The following PANK3 variants were observed in gnomAD, a reference collection of about 807,000 sequenced individuals.
PANK3 encodes pantothenate kinase 3, also known as hPanK3.
A neutral mutation model predicts 39.4 loss-of-function variants in PANK3; 20 were observed. The ratio of observed to expected loss-of-function variants is 0.51; its 90% CI spans 0.36 to 0.74. PANK3 has a LOEUF of 0.74. Among genes scored for constraint, PANK3 ranks in the 30% least tolerant of loss-of-function variants. The pLI is 0.00. For missense variants in PANK3, 265 were observed against 437.0 expected (o/e 0.61, Z 3.51); for synonymous variants, 140 against 157.3 (o/e 0.89, Z 0.82).
rs1241088785 is a variant in PANK3, at chr5:168,556,476, C to T, written c.*1095G>A. The T allele has an allele frequency of 1.3e-5, 2 of 152,352 alleles. No homozygotes were observed. Among genetic ancestry groups the T allele is most frequent in the African/African-American group, 4.8e-5 (2 of 41,440 alleles). 9.4% of individuals were successfully genotyped at this position (152,352 alleles called of 1,614,324 possible). A position where few individuals can be genotyped will look rare whatever the true frequency, so the allele number is the denominator to read the frequency against. Reference sequence around the variant, plus strand: ...TCCTAGGTTCTTACACATTTCAAACCCTTGCCAATAACAGTATTTTAGTTA... The same window carrying T: ...TCCTAGGTTCTTACACATTTCAAACTCTTGCCAATAACAGTATTTTAGTTA... On this transcript the variant is annotated 3_prime_UTR_variant, in exon 7 of 7. Transcript: ENST00000239231.
intron 1 of PANK3, among the ~76,000 whole-genome samples, chr5:168,574,688 T>A (rs1561843594): frequency 6.6e-6 from 1 of 152,042 alleles, no homozygotes; most frequent in Non-Finnish European, 1.5e-5. Context: ...TGGTGAAACC[T>A]CGTCTCTACC....
At chr5:168,562,264 C>A (rs1759459869) in intron 4 of PANK3, among the ~76,000 whole-genome samples, 1 of 151,992 alleles carries the variant, frequency 6.6e-6, no homozygotes, top group Non-Finnish European at 1.5e-5. Context: ...AAAAAAATAT[C>A]TTTTATTACA....
rs567086470 is a variant in PANK3, at chr5:168,554,244, T to C, written c.*3327A>G. 1.4e-4 allele frequency: 22 copies of C among 152,350 alleles called. No individual in the cohort carries two copies. The highest frequency in any genetic ancestry group is 5.0e-4 in the African/African-American group (21 of 41,590). The allele number at this position is 152,350 out of a possible 1,614,324, so 9.4% of individuals were successfully genotyped here. On this transcript the variant is annotated 3_prime_UTR_variant, in exon 7 of 7. Coordinates refer to ENST00000239231, the MANE Select transcript of PANK3 (RefSeq NM_024594.4). ...CTAATGGTTTAGGAAGTAGAAATGC[T>C]TGGGGATAAAATTGACTTCTATACA...
chr5:168,567,766 C>A (rs528792909), intron 2 of PANK3, among the ~76,000 whole-genome samples: 1 of 152,230 alleles, frequency 6.6e-6, no homozygotes, highest in South Asian at 2.1e-4. Flanking sequence ...ACTACAAGCA[C>A]AGGCCACTAT....
rs1039155932 is a variant in PANK3, at chr5:168,548,555, C to T, written c.*9016G>A. The T allele has an allele frequency of 1.3e-5, 2 of 152,078 alleles. No homozygotes were observed. Among genetic ancestry groups the T allele is most frequent in the Admixed American group, 1.3e-4 (2 of 15,268 alleles). The allele number at this position is 152,078 out of a possible 1,614,324, so 9.4% of individuals were successfully genotyped here. On this transcript the variant is annotated 3_prime_UTR_variant, in exon 7 of 7. Coordinates refer to ENST00000239231, the MANE Select transcript of PANK3 (RefSeq NM_024594.4). The stretch of plus-strand genomic sequence containing the variant: ...AAAATAAAAAGTATGATTCTAACAT[C>T]TATTTAGAATATGAACAAAATTAGA...
intron 2 of PANK3, among the ~76,000 whole-genome samples, chr5:168,566,773 T>A (rs1297918357): frequency 6.6e-6 from 1 of 152,236 alleles, no homozygotes; most frequent in Non-Finnish European, 1.5e-5. Context: ...AGACAGAGTC[T>A]AGCTCTGTCA....
chr5:168,567,822 A>T (rs548350212), intron 2 of PANK3, among the ~76,000 whole-genome samples: 1 of 152,028 alleles, frequency 6.6e-6, no homozygotes, highest in Non-Finnish European at 1.5e-5. Flanking sequence ...GTCCCACTAT[A>T]TTGCCCAGGC....
chr5:168,576,748 GC>G (rs1759736440), intron 1 of PANK3, among the ~76,000 whole-genome samples: 1 of 151,656 alleles, frequency 6.6e-6, no homozygotes, highest in African/African-American at 2.4e-5. Context: ...TAAAGAAAAT[GC>G]CATACACACA....
rs746661138 is a variant in PANK3 at position 168,557,602 on chromosome 5, C to T, written c.1082G>A (p.Gly361Asp). Reference protein sequence around the residue: ...LEHEGYFGAVGALLGLPNFS With the variant: ...LEHEGYFGAVDALLGLPNFS ...GAAATTTGGCAGCCCAAGAAGTGCA[C>T]CAACTGCTCCAAAGTAACCCTGTGT... is the stretch of plus-strand genomic sequence containing the variant. The change falls in exon 7 of 7, where the codon GGT (glycine) becomes GAT (aspartate). Residue 361 changes from glycine to aspartate, a missense_variant. Transcript: ENST00000239231. 6.2e-7 allele frequency: 1 copy of T among 1,613,846 alleles called. No individual in the cohort carries two copies. Among genetic ancestry groups the T allele is most frequent in the Non-Finnish European group, 8.5e-7 (1 of 1,179,878 alleles).
intron 1 of PANK3, among the ~76,000 whole-genome samples, chr5:168,576,493 G>A (rs1399536259): frequency 1.3e-5 from 2 of 152,174 alleles, no homozygotes; most frequent in Admixed American, 6.5e-5. Flanking sequence ...TTCCCCTGGC[G>A]TTGAATTAAC....
chr5:168,573,416 C>CTAAAAAAAAA (rs1759678231), intron 1 of PANK3, among the ~76,000 whole-genome samples: 1 of 16,938 alleles, frequency 5.9e-5, no homozygotes, highest in Non-Finnish European at 1.0e-4. Context: ...CTCAGCAAGG[C>CTAAAAAAAAA]AAAAAAAAAA....
chr5:168,562,655 T>A (rs1759465076), intron 4 of PANK3, among the ~76,000 whole-genome samples: 1 of 152,156 alleles, frequency 6.6e-6, no homozygotes, highest in Non-Finnish European at 1.5e-5. Flanking sequence ...TATGGACATA[T>A]TTGGAGAGGC....
At chr5:168,562,854 G>A (rs1759468637) in intron 4 of PANK3, among the ~76,000 whole-genome samples, 1 of 152,112 alleles carries the variant, frequency 6.6e-6, no homozygotes, top group Admixed American at 6.5e-5. Context: ...AAGCAAAGGA[G>A]TGAAACTAGC....
At chr5:168,577,087 G>A (rs1047054936) in intron 1 of PANK3, among the ~76,000 whole-genome samples, 1 of 151,346 alleles carries the variant, frequency 6.6e-6, no homozygotes, top group African/African-American at 2.4e-5. Context: ...CACCATGTTG[G>A]TCAGGCTGGT....
chr5:168,553,176 C>A lies in PANK3; in HGVS notation c.*4395G>T. 2.0e-6 allele frequency: 1 copy of A among 491,602 alleles called. No homozygotes were observed. Among genetic ancestry groups the A allele is most frequent in the South Asian group, 1.5e-5 (1 of 64,520 alleles). 30.5% of individuals were successfully genotyped at this position (491,602 alleles called of 1,614,324 possible). A position where few individuals can be genotyped will look rare whatever the true frequency, so the allele number is the denominator to read the frequency against. The stretch of plus-strand genomic sequence containing the variant: ...TAAAGCCCAGTATCACTGGGCATAG[C>A]TCTTCAGACCCCAAGATGAACTCCA... On this transcript the variant is annotated 3_prime_UTR_variant, in exon 7 of 7. Transcript: ENST00000239231.
At position 168,558,990 on chromosome 5, in the gene PANK3, A is replaced by T. The variant is rs760911250; in HGVS notation, c.1062+42T>A. Reference sequence around the variant, plus strand: ...CAGAGCAAGACCCTGTCTCTTAAAAAACATGCTATTAAAATTCACAAAAAA... The same window carrying T: ...CAGAGCAAGACCCTGTCTCTTAAAATACATGCTATTAAAATTCACAAAAAA... On this transcript the variant is annotated intron_variant, in intron 6 of 6. Transcript: ENST00000239231. 6 of 1,582,724 alleles carry T rather than the reference A, an allele frequency of 3.8e-6. No homozygotes were observed. The Admixed American group carries it at 1.1e-4, about 28-fold the overall frequency.
intron 1 of PANK3, among the ~76,000 whole-genome samples, chr5:168,570,189 TG>T (rs1339072474): frequency 6.6e-6 from 1 of 151,914 alleles, no homozygotes; most frequent in African/African-American, 2.4e-5. Context: ...GAGACCTTCC[TG>T]GCTAACACAG....
intron 4 of PANK3, among the ~76,000 whole-genome samples, chr5:168,563,139 A>C (rs1490128432): frequency 6.6e-6 from 1 of 152,196 alleles, no homozygotes; most frequent in Non-Finnish European, 1.5e-5. Flanking sequence ...TCAGAAGAAA[A>C]TAAGGGTTTA....
intron 6 of PANK3, among the ~76,000 whole-genome samples, chr5:168,558,153 C>CTTTT (rs767440372): frequency 1.2e-4 from 14 of 115,282 alleles, no homozygotes; most frequent in South Asian, 5.5e-4. Flanking sequence ...GACATGGAAG[C>CTTTT]TTTTTTTTTT....
Sources: allele counts gnomAD v4.1 joint callset (sites outside exome capture counted in the v4.1 genomes callset), GRCh38; gene constraint gnomAD v4.1.1; transcripts MANE v1.5; gene names NCBI Gene and HGNC (gene_info 2026-07-23, HGNC 2026-07-21).